LHFPL3: variants seen among roughly 807,000 people sequenced by gnomAD.
LHFPL3 encodes LHFPL tetraspan subfamily member 3.
LHFPL3 carries 5 observed loss-of-function variants against 19.3 expected under a neutral mutation model. That is an observed-to-expected ratio of 0.26 (90% CI 0.14 to 0.54). The LOEUF (loss-of-function observed/expected upper bound fraction) is 0.54. Ranked by LOEUF, LHFPL3 falls within the 20% of genes least tolerant of loss-of-function variation. The pLI is 0.94. For missense variants in LHFPL3, 249 were observed against 307.4 expected (o/e 0.81, Z 1.42); for synonymous variants, 133 against 126.2 (o/e 1.05, Z -0.36).
At chr7:104,879,835 C>A (rs975931592) in intron 2 of LHFPL3, among the ~76,000 whole-genome samples, 2 of 152,198 alleles carry the variant, frequency 1.3e-5, no homozygotes, top group African/African-American at 4.8e-5. Flanking sequence ...GACAAAACAG[C>A]CTTACATTGG....
chr7:104,683,474 C>T (rs1792749397), intron 1 of LHFPL3, among the ~76,000 whole-genome samples: 1 of 152,208 alleles, frequency 6.6e-6, no homozygotes, highest in Non-Finnish European at 1.5e-5. Context: ...ATGTTGTTGA[C>T]TATTCAAATC....
chr7:104,363,885 G>A, intron 1 of LHFPL3, among the ~76,000 whole-genome samples: 1 of 152,176 alleles, frequency 6.6e-6, no homozygotes, highest in East Asian at 1.9e-4. Context: ...GATTTAATTA[G>A]CTTTTACAAG....
At chr7:104,471,865 C>T (rs528657174) in intron 1 of LHFPL3, among the ~76,000 whole-genome samples, 15 of 152,246 alleles carry the variant, frequency 9.9e-5, no homozygotes, top group Admixed American at 7.2e-4. Context: ...TAATGCTTTG[C>T]TCAAATATTT....
chr7:104,336,588 A>C (rs1789814772), intron 1 of LHFPL3, among the ~76,000 whole-genome samples: 1 of 152,122 alleles, frequency 6.6e-6, no homozygotes, highest in Non-Finnish European at 1.5e-5. Flanking sequence ...ATATCTGACT[A>C]CTATTGGCTA....
chr7:104,518,655 G>T (rs1394431494), intron 1 of LHFPL3, among the ~76,000 whole-genome samples: 1 of 152,184 alleles, frequency 6.6e-6, no homozygotes, highest in Non-Finnish European at 1.5e-5. Flanking sequence ...ATAGTGGCAG[G>T]CACCTGCAAT....
At chr7:104,446,671 G>T (rs1184697493) in intron 1 of LHFPL3, among the ~76,000 whole-genome samples, 1 of 152,130 alleles carries the variant, frequency 6.6e-6, no homozygotes, top group South Asian at 2.1e-4. Flanking sequence ...TACCTCCGGG[G>T]TTCAAGTGAT....
chr7:104,530,952 G>A (rs992734648), intron 1 of LHFPL3, among the ~76,000 whole-genome samples: 6 of 152,218 alleles, frequency 3.9e-5, no homozygotes, highest in South Asian at 4.2e-4. Context: ...AATGCTCTTC[G>A]ATTGCTCTAG....
chr7:104,528,212 A>G (rs116689062), intron 1 of LHFPL3, among the ~76,000 whole-genome samples: 1,537 of 152,346 alleles, frequency 0.01, 25 homozygotes, highest in African/African-American at 0.035. Context: ...CCTTTTGGGT[A>G]TAACAGCCAC....
intron 1 of LHFPL3, among the ~76,000 whole-genome samples, chr7:104,610,554 G>C (rs950980153): frequency 6.6e-6 from 1 of 152,238 alleles, no homozygotes; most frequent in Admixed American, 6.5e-5. Flanking sequence ...TTGAGAACCA[G>C]GAGAGCCACT....
chr7:104,818,452 A>T (rs1243367810), intron 2 of LHFPL3, among the ~76,000 whole-genome samples: 2 of 151,782 alleles, frequency 1.3e-5, no homozygotes, highest in Non-Finnish European at 2.9e-5. Flanking sequence ...GAGACAGGAA[A>T]ATCGCTTGAA....
intron 1 of LHFPL3, among the ~76,000 whole-genome samples, chr7:104,510,671 G>A (rs1199922157): frequency 6.6e-6 from 1 of 152,132 alleles, no homozygotes; most frequent in Non-Finnish European, 1.5e-5. Flanking sequence ...TGCATAAAAT[G>A]AAACACTGAC....
chr7:104,409,718 T>C (rs1463581021), intron 1 of LHFPL3, among the ~76,000 whole-genome samples: 1 of 152,220 alleles, frequency 6.6e-6, no homozygotes, highest in Admixed American at 6.5e-5. Context: ...GCTATTTCAT[T>C]GTATTTAAAT....
chr7:104,844,694 A>T (rs972772511), intron 2 of LHFPL3, among the ~76,000 whole-genome samples: 1 of 152,212 alleles, frequency 6.6e-6, no homozygotes, highest in Non-Finnish European at 1.5e-5. Flanking sequence ...CTTGGTATTG[A>T]CTAGGAATAT....
At chr7:104,664,910 A>G (rs2116004132) in intron 1 of LHFPL3, among the ~76,000 whole-genome samples, 1 of 149,838 alleles carries the variant, frequency 6.7e-6, no homozygotes, top group East Asian at 2.0e-4. Context: ...ACACAACTCT[A>G]CATCATGGAA....
chr7:104,646,344 G>A (rs1206103887), intron 1 of LHFPL3, among the ~76,000 whole-genome samples: 1 of 152,132 alleles, frequency 6.6e-6, no homozygotes, highest in African/African-American at 2.4e-5. Context: ...ATTTTCTATA[G>A]CACGCCCTAA....
At position 104,829,358 on chromosome 7, in the gene LHFPL3, T is replaced by C. The variant is rs142922431; in HGVS notation, c.683-76829T>C. Among the ~76,000 whole-genome samples, 1,494 of 151,928 alleles carry C rather than the reference T, an allele frequency of 9.8e-3. 48 individuals are homozygous for C. The highest frequency in any genetic ancestry group is 0.034 in the African/African-American group (1,414 of 41,234). ...TTTAATTATTATTATACTTTAAGTT[T>C]TAGGGTACATGTGCACAATGTGCAA... On this transcript the variant is annotated intron_variant, in intron 2 of 2. Coordinates refer to ENST00000424859, the MANE Select transcript of LHFPL3 (RefSeq NM_199000.3).
intron 1 of LHFPL3, among the ~76,000 whole-genome samples, chr7:104,598,693 C>T (rs1243326210): frequency 6.6e-6 from 1 of 152,240 alleles, no homozygotes; most frequent in African/African-American, 2.4e-5. Context: ...CTTCTCTACT[C>T]ATAACAATGC....
At chr7:104,444,870 C>T (rs1035477298) in intron 1 of LHFPL3, among the ~76,000 whole-genome samples, 5 of 152,086 alleles carry the variant, frequency 3.3e-5, no homozygotes, top group African/African-American at 1.2e-4. Flanking sequence ...TGTCTGTAAT[C>T]CCAGCTACAC....
At chr7:104,892,708 CAAAAAAAAAAAAA>C (rs35855839) in intron 2 of LHFPL3, among the ~76,000 whole-genome samples, 1 of 68,476 alleles carries the variant, frequency 1.5e-5, no homozygotes, top group South Asian at 5.1e-4. Flanking sequence ...GAGACTGTCT[CAAAAAAAAAAAAA>C]AAAAAAAAAA....
Sources: allele counts gnomAD v4.1 joint callset (sites outside exome capture counted in the v4.1 genomes callset), GRCh38; gene constraint gnomAD v4.1.1; transcripts MANE v1.5; gene names NCBI Gene and HGNC (gene_info 2026-07-23, HGNC 2026-07-21).